Variants in SLC5A7 observed in about 807,000 individuals in gnomAD.
SLC5A7 encodes the protein solute carrier family 5 member 7.
SLC5A7 carries 19 observed loss-of-function variants against 55.4 expected under a neutral mutation model. The observed-to-expected ratio is 0.34, with a 90% CI of 0.24 to 0.50. The LOEUF is 0.50. SLC5A7 is among the 20% of genes least tolerant of loss of function. The probability of loss-of-function intolerance (pLI) is 0.98; values close to 1 mark genes in which losing one functional copy is unlikely to be tolerated. For synonymous variants in SLC5A7, 265 were observed against 263.7 expected (o/e 1.00, Z -0.05); for missense variants, 506 against 705.3 (o/e 0.72, Z 3.20).
At chr2:107,994,225 C>T (rs1677568472) in intron 4 of SLC5A7, among the ~76,000 whole-genome samples, 1 of 152,088 alleles carries the variant, frequency 6.6e-6, no homozygotes, top group Admixed American at 6.6e-5. Flanking sequence ...TTTTTGATTG[C>T]CAACTATAAA....
intron 1 of SLC5A7, among the ~76,000 whole-genome samples, chr2:107,987,163 G>A (rs1677278003): frequency 6.6e-6 from 1 of 152,024 alleles, no homozygotes; most frequent in Non-Finnish European, 1.5e-5. Context: ...GTTTCCCCCA[G>A]AAACTTGTAT....
rs143203868 is a variant in SLC5A7 at position 107,997,866 on chromosome 2, G to A, written c.477G>A (p.Val159=). Reference sequence around the variant, plus strand: ...CCACCATCAGCGTGATCATCGATGTGGATATGCACATTTCTGTCATCATCT... The same window carrying A: ...CCACCATCAGCGTGATCATCGATGTAGATATGCACATTTCTGTCATCATCT... The part of the protein sequence containing the change: ...LGATISVIID[V]DMHISVIISA... Residue 159 remains valine (V), a synonymous_variant, in exon 5 of 9, where the codon GTG becomes GTA. Coordinates refer to ENST00000264047, the MANE Select transcript of SLC5A7 (RefSeq NM_021815.5). 958 of 1,611,874 alleles carry A rather than the reference G, an allele frequency of 5.9e-4. 5 individuals are homozygous for A. The highest frequency in any genetic ancestry group is 7.7e-5 in the Non-Finnish European group (91 of 1,178,858).
intron 8 of SLC5A7, among the ~76,000 whole-genome samples, chr2:108,008,927 T>C (rs1678216728): frequency 6.6e-6 from 1 of 151,694 alleles, no homozygotes; most frequent in African/African-American, 2.4e-5. Flanking sequence ...AGAGGTACAG[T>C]CACAGGGCTA....
chr2:108,010,571 G>A lies in SLC5A7; in HGVS notation c.1453G>A (p.Val485Ile), dbSNP rs754211137. 79 of 1,613,748 alleles carry A rather than the reference G, an allele frequency of 4.9e-5. No individual in the cohort carries two copies. The highest frequency in any genetic ancestry group is 1.6e-5 in the Non-Finnish European group (19 of 1,179,932). The change falls in exon 9 of 9, where the codon GTT (valine) becomes ATT (isoleucine). Residue 485 changes from valine to isoleucine, a missense_variant. By Grantham distance (29) the Val-to-Ile change is conservative (BLOSUM62 3). Around this residue, in one of 4 missense-constraint regions of SLC5A7, gnomAD observed 137 missense variants for 143.6 expected, o/e 0.95. Transcript: ENST00000264047. ...ATTTCCATTTAAAACACTTGCCATG[G>A]TTACATCATTCTTAACCAACATTTG... is the stretch of plus-strand genomic sequence containing the variant. ...QKFPFKTLAM[V>I]TSFLTNICIS...
intron 5 of SLC5A7, among the ~76,000 whole-genome samples, chr2:108,001,260 ATAGG>A (rs992943505): frequency 2.6e-5 from 4 of 152,074 alleles, no homozygotes; most frequent in African/African-American, 7.2e-5. Context: ...TAGATGATAG[ATAGG>A]TAGGCAGATA....
chr2:108,006,008 G>C, intron 6 of SLC5A7, 41 bp from the exon 7 acceptor site: 1 of 1,609,304 alleles, frequency 6.2e-7, no homozygotes, highest in African/African-American at 1.3e-5. Flanking sequence ...TTAAAAAAAT[G>C]AATAGATGTT....
At position 107,992,194 on chromosome 2, in the gene SLC5A7, T is replaced by C. The variant is rs1246228626; in HGVS notation, c.267T>C (p.Ile89=). The change falls in exon 3 of 9, where the codon ATT becomes ATC. Residue 89 remains isoleucine, a synonymous_variant. Coordinates refer to ENST00000264047, the MANE Select transcript of SLC5A7 (RefSeq NM_021815.5). ...GYGLAWAQAP[I]GYSLSLILGG... The stretch of plus-strand genomic sequence containing the variant: ...GCCTAGCTTGGGCTCAGGCACCAAT[T>C]GGATATTCTCTTAGTCTGATTTTAG... 1.2e-6 allele frequency: 2 copies of C among 1,613,156 alleles called. No homozygotes were observed. The highest frequency in any genetic ancestry group is 2.2e-5 in the South Asian group (2 of 91,056).
At chr2:108,008,797 A>G in intron 8 of SLC5A7, 115 bp downstream of exon 8, 1 of 724,044 alleles carries the variant, frequency 1.4e-6, no homozygotes, top group Non-Finnish European at 2.1e-6. Flanking sequence ...GTTAAATCTG[A>G]CTGTACTTTA....
chr2:107,997,917 A>T lies in SLC5A7; in HGVS notation c.528A>T (p.Thr176=), dbSNP rs780484840. The T allele has an allele frequency of 3.7e-6, 6 of 1,613,782 alleles. No homozygotes were observed. The highest frequency in any genetic ancestry group is 5.1e-6 in the Non-Finnish European group (6 of 1,179,920). Residue 176 remains threonine, a synonymous_variant, in exon 5 of 9, where the codon ACA becomes ACT. Transcript: ENST00000264047. ...IISALIATLY[T]LVGGLYSVAY... Reference sequence around the variant, plus strand: ...CTGCACTCATTGCCACTCTGTACACACTGGTGGGAGGGCTCTATTCTGTGG... The same window carrying T: ...CTGCACTCATTGCCACTCTGTACACTCTGGTGGGAGGGCTCTATTCTGTGG...
chr2:107,988,489 A>G (rs953605952), intron 2 of SLC5A7, among the ~76,000 whole-genome samples, 156 bp downstream of exon 2: 4 of 152,192 alleles, frequency 2.6e-5, no homozygotes, highest in South Asian at 2.1e-4. Flanking sequence ...ATAATTTTCT[A>G]TTGATTTAAA....
intron 1 of SLC5A7, among the ~76,000 whole-genome samples, chr2:107,987,116 A>C (rs991004261): frequency 3.9e-4 from 60 of 151,936 alleles, no homozygotes; most frequent in African/African-American, 1.4e-3. Flanking sequence ...TCTTTCCCCC[A>C]ACGTCTCTTC....
chr2:108,001,841 T>A, intron 5 of SLC5A7, 56 bp from the exon 6 acceptor site: 1 of 1,594,788 alleles, frequency 6.3e-7, no homozygotes, highest in Non-Finnish European at 8.6e-7. Flanking sequence ...AAATCTTGCA[T>A]ATATCAGACA....
chr2:107,994,444 G>A (rs1054420195), intron 4 of SLC5A7, among the ~76,000 whole-genome samples: 5 of 152,054 alleles, frequency 3.3e-5, no homozygotes, highest in Admixed American at 6.6e-5. Flanking sequence ...TTAGCCAGGC[G>A]TGGTGGCGGG....
chr2:107,995,857 G>T (rs1677651098), intron 4 of SLC5A7, among the ~76,000 whole-genome samples: 1 of 152,136 alleles, frequency 6.6e-6, no homozygotes, highest in Non-Finnish European at 1.5e-5. Context: ...TCATAACTTT[G>T]CAGGATACTT....
rs1677958344 is a variant in SLC5A7, at chr2:108,002,648, T to G, written c.741+608T>G. On this transcript the variant is annotated intron_variant, in intron 6 of 8. Coordinates refer to ENST00000264047, the MANE Select transcript of SLC5A7 (RefSeq NM_021815.5). The stretch of plus-strand genomic sequence containing the variant: ...GGCAAGAGGGAACAACCAGAAGAAC[T>G]GACCAGATTTTACGACTGTGCTAAT... Among the ~76,000 whole-genome samples the G allele has an allele frequency of 2.0e-5, 3 of 152,246 alleles. No individual in the cohort carries two copies. The South Asian group carries it at 6.2e-4, about 32-fold the overall frequency.
chr2:108,010,610 G>T lies in SLC5A7; in HGVS notation c.1492G>T (p.Ala498Ser). The change falls in exon 9 of 9, where the codon GCC becomes TCC. Residue 498 changes from alanine (A) to serine (S), a missense_variant. Physicochemically the swap from Ala to Ser is moderately conservative, Grantham distance 99. Transcript: ENST00000264047. ...AACCAACATTTGCATCTCCTATCTA[G>T]CCAAGTATCTATTTGAAAGTGGAAC... ...FLTNICISYLAKYLFESGTLP... is the reference protein window; with the variant it reads ...FLTNICISYLSKYLFESGTLP... 1 of 1,613,908 alleles carries T rather than the reference G, an allele frequency of 6.2e-7. No homozygotes were observed. Among genetic ancestry groups the T allele is most frequent in the South Asian group, 1.1e-5 (1 of 91,082 alleles).
At chr2:108,007,918 G>A (rs1476701552) in intron 7 of SLC5A7, among the ~76,000 whole-genome samples, 1 of 152,132 alleles carries the variant, frequency 6.6e-6, no homozygotes, top group Non-Finnish European at 1.5e-5. Context: ...TCAGCCACAT[G>A]ACTGTAATTT....
rs1343284829 is a variant in SLC5A7 at position 108,010,744 on chromosome 2, T to C, written c.1626T>C (p.Leu542=). The change falls in exon 9 of 9, where the codon CTT becomes CTC. Residue 542 remains leucine, a synonymous_variant. Transcript: ENST00000264047. ...VKNENIKLDE[L]ALVKPRQSMT... is the part of the protein sequence containing the mutation. ...ATGAAAATATTAAATTAGATGAACT[T>C]GCACTTGTGAAGCCACGACAGAGCA... 6.2e-7 allele frequency: 1 copy of C among 1,613,630 alleles called. No homozygotes were observed. Among genetic ancestry groups the C allele is most frequent in the African/African-American group, 1.3e-5 (1 of 74,890 alleles).
At chr2:107,988,577 C>T (rs1235535750) in intron 2 of SLC5A7, among the ~76,000 whole-genome samples, 1 of 152,124 alleles carries the variant, frequency 6.6e-6, no homozygotes, top group East Asian at 1.9e-4. Context: ...ACTGAACAGT[C>T]ATGAAACAAA....
Sources: allele counts gnomAD v4.1 joint callset (sites outside exome capture counted in the v4.1 genomes callset), GRCh38; gene constraint gnomAD v4.1.1; regional missense constraint gnomAD v4.1.1; transcripts MANE v1.5; gene names NCBI Gene and HGNC (gene_info 2026-07-23, HGNC 2026-07-21).